Variants in GLG1 observed in about 807,000 individuals in gnomAD.
GLG1 encodes golgi glycoprotein 1.
A neutral mutation model predicts 160.5 loss-of-function variants in GLG1; 38 were observed. The observed-to-expected ratio is 0.24, with a 90% CI of 0.18 to 0.31. GLG1 has a LOEUF of 0.31. Ranked by LOEUF, GLG1 falls within the 10% of genes least tolerant of loss-of-function variation. The pLI, the probability that GLG1 is intolerant of heterozygous loss-of-function variation, is 1.00. For synonymous variants in GLG1, 644 were observed against 543.4 expected, an observed-to-expected ratio of 1.19 and a Z score of -2.57; for missense variants, 1,373 against 1,505.2, an observed-to-expected ratio of 0.91 and a Z score of 1.45.
chr16:74,470,913 A>G (rs565992648), intron 15 of GLG1, among the ~76,000 whole-genome samples: 2 of 152,092 alleles, frequency 1.3e-5, no homozygotes, highest in African/African-American at 4.8e-5. Context: ...GTGTGCCACC[A>G]TGCCTGGCTA....
chr16:74,496,287 C>T (rs1279500559), intron 5 of GLG1, among the ~76,000 whole-genome samples, 154 bp downstream of exon 5: 2 of 151,888 alleles, frequency 1.3e-5, no homozygotes, highest in East Asian at 3.9e-4. Flanking sequence ...GGAGGCTGAG[C>T]TGGAGCACTG....
intron 1 of GLG1, among the ~76,000 whole-genome samples, chr16:74,592,183 T>C (rs368612913): frequency 2.0e-5 from 3 of 152,130 alleles, no homozygotes; most frequent in Non-Finnish European, 2.9e-5. Context: ...TGCTCTGTCA[T>C]CCAGGTTGGA....
chr16:74,599,930 AG>A (rs1958399783), intron 1 of GLG1, among the ~76,000 whole-genome samples: 1 of 151,396 alleles, frequency 6.6e-6, no homozygotes, highest in African/African-American at 2.4e-5. Context: ...GCTACTAGAG[AG>A]GTGGAGCCAG....
chr16:74,453,770 T>C (rs1450808226), intron 25 of GLG1, among the ~76,000 whole-genome samples: 1 of 152,232 alleles, frequency 6.6e-6, no homozygotes, highest in Admixed American at 6.5e-5. Flanking sequence ...AGGCCATGGG[T>C]TCTTCTATCT....
intron 1 of GLG1, among the ~76,000 whole-genome samples, chr16:74,583,251 T>G (rs993595387): frequency 2.0e-5 from 3 of 152,178 alleles, no homozygotes; most frequent in Non-Finnish European, 2.9e-5. Context: ...GACTCTAAAA[T>G]TTAGACTCAG....
intron 1 of GLG1, among the ~76,000 whole-genome samples, chr16:74,571,977 G>A (rs1014335168): frequency 6.6e-6 from 1 of 152,118 alleles, no homozygotes; most frequent in African/African-American, 2.4e-5. Flanking sequence ...TAAAAGCCTT[G>A]GAGTCTCAGA....
intron 1 of GLG1, among the ~76,000 whole-genome samples, chr16:74,565,898 C>T (rs1264725033): frequency 6.6e-6 from 1 of 152,120 alleles, no homozygotes; most frequent in East Asian, 1.9e-4. Flanking sequence ...TCTAACGTTC[C>T]GTCTTTGTTA....
At chr16:74,504,633 G>C (rs910068532) in intron 3 of GLG1, among the ~76,000 whole-genome samples, 14 of 152,180 alleles carry the variant, frequency 9.2e-5, no homozygotes, top group Admixed American at 2.6e-4. Flanking sequence ...ACTATGGATT[G>C]AACATGTGTT....
Position 74,485,788 on chromosome 16 carries a change from T to A in GLG1, c.1571+8A>T. ...ATATGGATAAATACCATGGAGAAGA[T>A]AACTTACATTGGGTCTCCAGATCTT... On this transcript the variant is annotated splice_region_variant and intron_variant, in intron 9 of 25. Coordinates refer to ENST00000422840, the MANE Select transcript of GLG1 (RefSeq NM_001145667.2). 1.2e-6 allele frequency: 2 copies of A among 1,610,794 alleles called. No individual in the cohort carries two copies. The highest frequency in any genetic ancestry group is 1.7e-6 in the Non-Finnish European group (2 of 1,177,930).
intron 2 of GLG1, among the ~76,000 whole-genome samples, chr16:74,509,415 A>C (rs1375546453): frequency 6.6e-6 from 1 of 152,076 alleles, no homozygotes; most frequent in Non-Finnish European, 1.5e-5. Flanking sequence ...GCTTGAACCA[A>C]AAAGTCTAAT....
At chr16:74,514,365 C>CA (rs2016910965) in intron 2 of GLG1, among the ~76,000 whole-genome samples, 1 of 152,024 alleles carries the variant, frequency 6.6e-6, no homozygotes, top group Admixed American at 6.6e-5. Flanking sequence ...GAAATGAAGG[C>CA]AAAAATGTTA....
rs146497202 is a variant in GLG1, at chr16:74,499,220, TTTGTTG to T, written c.775-2582_775-2577del. ...GAGTCTATAAAACTCCTAAAACTTG[TTTGTTG>T]TTGTTGTTTAACTTTCATTTTTATT... On this transcript the variant is annotated intron_variant, in intron 4 of 25. Transcript: ENST00000422840. Among the ~76,000 whole-genome samples the T allele has an allele frequency of 1.3e-3, 199 of 151,484 alleles. 3 individuals carry two copies. In the East Asian group the frequency reaches 0.036, roughly 27 times the overall value.
chr16:74,462,876 A>G (rs548241456), intron 20 of GLG1: 62 of 532,328 alleles, frequency 1.2e-4, no homozygotes, highest in Admixed American at 2.0e-4. Context: ...GCAGACTCCA[A>G]TACTCTAAGG....
intron 2 of GLG1, among the ~76,000 whole-genome samples, chr16:74,521,465 A>G (rs201550675): frequency 6.6e-6 from 1 of 152,140 alleles, no homozygotes; most frequent in African/African-American, 2.4e-5. Flanking sequence ...AATTCAGGAT[A>G]TATTTCAAGG....
intron 1 of GLG1, among the ~76,000 whole-genome samples, chr16:74,557,510 G>A (rs1407825485): frequency 6.6e-6 from 1 of 152,122 alleles, no homozygotes; most frequent in East Asian, 1.9e-4. Flanking sequence ...AGAATGCTTT[G>A]CAGATACTAG....
chr16:74,556,836 T>C (rs919553256), intron 1 of GLG1, among the ~76,000 whole-genome samples: 2 of 151,156 alleles, frequency 1.3e-5, no homozygotes, highest in African/African-American at 4.8e-5. Context: ...AGTAAGAGAA[T>C]AGCTGAAACT....
In GLG1 at chr16:74,496,649, A is replaced by C. The variant is rs779243864; in HGVS notation, c.775-5T>G. 7 of 1,592,568 alleles carry C rather than the reference A, an allele frequency of 4.4e-6. No individual in the cohort carries two copies. Among genetic ancestry groups the C allele is most frequent in the Non-Finnish European group, 6.0e-6 (7 of 1,161,012 alleles). Reference sequence around the variant, plus strand: ...CTCACCTTGTGAATGTGCATCCTAAAATAGCGAGGATATTAATATTTTAAA... The same window carrying C: ...CTCACCTTGTGAATGTGCATCCTAACATAGCGAGGATATTAATATTTTAAA... On this transcript the variant is annotated splice_polypyrimidine_tract_variant and splice_region_variant and intron_variant, in intron 4 of 25. Coordinates refer to ENST00000422840, the MANE Select transcript of GLG1 (RefSeq NM_001145667.2).
chr16:74,578,610 C>G (rs1189715885), intron 1 of GLG1, among the ~76,000 whole-genome samples: 1 of 152,158 alleles, frequency 6.6e-6, no homozygotes, highest in Non-Finnish European at 1.5e-5. Flanking sequence ...AGCGCTCTGA[C>G]TTAAAACTAT....
intron 3 of GLG1, among the ~76,000 whole-genome samples, chr16:74,506,029 TAAA>T (rs59306961): frequency 0.15 from 14,205 of 92,286 alleles, 1,240 homozygotes; most frequent in Admixed American, 0.25. Flanking sequence ...GACTCCATCT[TAAA>T]AAAAAAAAAA....
Sources: gnomAD v4.1 joint callset for allele counts (sites outside exome capture counted in the v4.1 genomes callset) on GRCh38, gnomAD v4.1.1 for gene constraint, MANE v1.5 for transcripts, NCBI Gene and HGNC (gene_info 2026-07-23, HGNC 2026-07-21) for gene names.